The following MAML3 variants were observed in gnomAD, a reference collection of about 807,000 sequenced individuals.
MAML3 encodes the protein mastermind-like protein 3.
A neutral mutation model predicts 101.9 loss-of-function variants in MAML3; 27 were observed. The observed-to-expected ratio is 0.27, with a 90% CI of 0.20 to 0.37. The LOEUF is 0.37. Among genes scored for constraint, MAML3 ranks in the 10% least tolerant of loss-of-function variants. The pLI, the probability that MAML3 is intolerant of heterozygous loss-of-function variation, is 1.00. For synonymous variants in MAML3, 501 were observed against 555.9 expected, an observed-to-expected ratio of 0.90 and a Z score of 1.39; for missense variants, 1,316 against 1,444.9, an observed-to-expected ratio of 0.91 and a Z score of 1.45.
chr4:139,842,762 CTTTT>C (rs71584337), intron 2 of MAML3, among the ~76,000 whole-genome samples: 1 of 30,964 alleles, frequency 3.2e-5, no homozygotes, highest in Non-Finnish European at 5.7e-5. Flanking sequence ...ATCCGCTTGC[CTTTT>C]TTTTTTTTTT....
intron 2 of MAML3, among the ~76,000 whole-genome samples, chr4:139,877,347 C>G (rs1281215746): frequency 2.0e-5 from 3 of 151,628 alleles, no homozygotes; most frequent in Admixed American, 6.6e-5. Flanking sequence ...CCCCCCACCC[C>G]CCGAAGAGTA....
At chr4:139,872,636 C>T (rs923132315) in intron 2 of MAML3, among the ~76,000 whole-genome samples, 2 of 152,002 alleles carry the variant, frequency 1.3e-5, no homozygotes, top group Non-Finnish European at 1.5e-5. Flanking sequence ...AATGCCTTTC[C>T]GGGTGAGAAC....
chr4:140,071,351 C>T (rs1428489374), intron 1 of MAML3, among the ~76,000 whole-genome samples: 3 of 152,196 alleles, frequency 2.0e-5, no homozygotes, highest in Non-Finnish European at 4.4e-5. Flanking sequence ...AATGGATCTC[C>T]AGAAGACACA....
At chr4:139,773,930 G>A (rs1377643805) in intron 2 of MAML3, among the ~76,000 whole-genome samples, 4 of 152,232 alleles carry the variant, frequency 2.6e-5, no homozygotes, top group East Asian at 3.8e-4. Context: ...GAAACCATAT[G>A]TATGGGTTGT....
At chr4:140,090,990 C>T (rs1728035384) in intron 1 of MAML3, among the ~76,000 whole-genome samples, 2 of 152,128 alleles carry the variant, frequency 1.3e-5, no homozygotes, top group Non-Finnish European at 2.9e-5. Flanking sequence ...GCGGAGGTTG[C>T]AGTAAGCCAA....
intron 2 of MAML3, among the ~76,000 whole-genome samples, chr4:139,733,736 G>A (rs1230350347): frequency 6.6e-6 from 1 of 152,168 alleles, no homozygotes; most frequent in Admixed American, 6.5e-5. Context: ...CCAGGCTGGG[G>A]TGCAGTGGTA....
chr4:140,056,935 T>C (rs1663169663), intron 1 of MAML3, among the ~76,000 whole-genome samples: 1 of 152,310 alleles, frequency 6.6e-6, no homozygotes, highest in African/African-American at 2.4e-5. Context: ...GGAACATTAA[T>C]GGATTATCCC....
intron 1 of MAML3, among the ~76,000 whole-genome samples, chr4:139,989,007 T>C (rs1407419379): frequency 6.6e-6 from 1 of 152,186 alleles, no homozygotes; most frequent in East Asian, 1.9e-4. Flanking sequence ...GCTTCTTCTC[T>C]TGATTCCTCG....
intron 1 of MAML3, among the ~76,000 whole-genome samples, chr4:140,022,942 C>T (rs1222178563): frequency 6.6e-6 from 1 of 152,130 alleles, no homozygotes; most frequent in Admixed American, 6.5e-5. Context: ...AGGGACAGCA[C>T]AGAGTAGCTT....
chr4:139,934,312 C>A (rs556109648), intron 1 of MAML3, among the ~76,000 whole-genome samples: 1 of 150,592 alleles, frequency 6.6e-6, no homozygotes, highest in African/African-American at 2.4e-5. Context: ...GGTGTGTGTG[C>A]GTGTGAGTGA....
chr4:139,869,432 C>A (rs895481425), intron 2 of MAML3, among the ~76,000 whole-genome samples: 2 of 152,176 alleles, frequency 1.3e-5, no homozygotes, highest in African/African-American at 4.8e-5. Flanking sequence ...GCTGAAGTAA[C>A]TTTAGGATGC....
At chr4:139,842,879 G>T (rs1046572740) in intron 2 of MAML3, among the ~76,000 whole-genome samples, 1 of 136,594 alleles carries the variant, frequency 7.3e-6, no homozygotes, top group Non-Finnish European at 1.5e-5. Context: ...CCTGGTTCAA[G>T]TGATTCTCTT....
At chr4:139,817,981 G>C (rs567779802) in intron 2 of MAML3, among the ~76,000 whole-genome samples, 1 of 152,302 alleles carries the variant, frequency 6.6e-6, no homozygotes, top group East Asian at 1.9e-4. Context: ...TGGTATAGTG[G>C]TTTTCAAACT....
At chr4:140,053,624 C>G (rs1350986925) in intron 1 of MAML3, among the ~76,000 whole-genome samples, 1 of 152,110 alleles carries the variant, frequency 6.6e-6, no homozygotes, top group African/African-American at 2.4e-5. Flanking sequence ...AAATTTTTGA[C>G]TGAATATATC....
At chr4:140,095,282 G>GCC (rs1333475601) in intron 1 of MAML3, among the ~76,000 whole-genome samples, 2 of 152,076 alleles carry the variant, frequency 1.3e-5, no homozygotes, top group African/African-American at 4.8e-5. Context: ...AAATCAGTAG[G>GCC]CCCACCACTG....
chr4:139,904,327 A>C (rs1321651475), intron 1 of MAML3, among the ~76,000 whole-genome samples: 1 of 152,230 alleles, frequency 6.6e-6, no homozygotes, highest in South Asian at 2.1e-4. Flanking sequence ...CTCTCAATTG[A>C]TATTTTAAAG....
At chr4:139,736,540 T>C (rs1194111580) in intron 2 of MAML3, among the ~76,000 whole-genome samples, 1 of 145,950 alleles carries the variant, frequency 6.9e-6, no homozygotes, top group Non-Finnish European at 1.5e-5. Context: ...ACAATGGAAA[T>C]TTTGGAGGTG....
chr4:139,915,879 C>T (rs1733017195), intron 1 of MAML3, among the ~76,000 whole-genome samples: 3 of 152,130 alleles, frequency 2.0e-5, no homozygotes, highest in Admixed American at 2.0e-4. Context: ...AGTAACCCTG[C>T]TAACACAGAC....
intron 2 of MAML3, among the ~76,000 whole-genome samples, chr4:139,880,005 T>C (rs1043892498): frequency 6.6e-6 from 1 of 152,068 alleles, no homozygotes; most frequent in African/African-American, 2.4e-5. Context: ...AAACCCCATC[T>C]CTACTAAAAT....
Sources: gnomAD v4.1 joint callset for allele counts (sites outside exome capture counted in the v4.1 genomes callset) on GRCh38, gnomAD v4.1.1 for gene constraint, MANE v1.5 for transcripts, NCBI Gene and HGNC (gene_info 2026-07-23, HGNC 2026-07-21) for gene names.